SLCO5A1: variants seen among roughly 807,000 people sequenced by gnomAD.
The protein encoded by SLCO5A1 is organic anion transporter polypeptide-related protein 4.
A neutral mutation model predicts 65.1 loss-of-function variants in SLCO5A1; 39 were observed. That is an observed-to-expected ratio of 0.60 (90% CI 0.46 to 0.78). The LOEUF is 0.78. SLCO5A1 is among the 30% of genes least tolerant of loss of function. The pLI is 0.00. For synonymous variants in SLCO5A1, 438 were observed against 415.7 expected, an observed-to-expected ratio of 1.05 and a Z score of -0.65; for missense variants, 1,029 against 1,069.4, an observed-to-expected ratio of 0.96 and a Z score of 0.53.
intron 5 of SLCO5A1, among the ~76,000 whole-genome samples, chr8:69,734,355 A>G (rs1266584368): frequency 6.6e-6 from 1 of 152,152 alleles, no homozygotes; most frequent in African/African-American, 2.4e-5. Context: ...CCAAACTCCA[A>G]ATGGGCAGAT....
intron 2 of SLCO5A1, among the ~76,000 whole-genome samples, chr8:69,804,238 T>G (rs765365237): frequency 6.6e-6 from 1 of 152,168 alleles, no homozygotes; most frequent in Non-Finnish European, 1.5e-5. Flanking sequence ...AGCAAGACAT[T>G]TTTGCTAAAA....
intron 5 of SLCO5A1, among the ~76,000 whole-genome samples, chr8:69,723,004 C>T (rs567286647): frequency 1.3e-5 from 2 of 152,182 alleles, no homozygotes; most frequent in African/African-American, 2.4e-5. Flanking sequence ...TTTACGTTTA[C>T]TCATGTTAGT....
intron 2 of SLCO5A1, among the ~76,000 whole-genome samples, chr8:69,789,398 A>C (rs920952400): frequency 1.6e-4 from 24 of 152,258 alleles, no homozygotes; most frequent in African/African-American, 5.5e-4. Context: ...TTCCTAGGCA[A>C]GAAGTGTTAT....
intron 2 of SLCO5A1, among the ~76,000 whole-genome samples, chr8:69,805,030 C>G (rs1440473693): frequency 2.6e-5 from 4 of 151,982 alleles, no homozygotes; most frequent in African/African-American, 4.8e-5. Flanking sequence ...GAATGACAGT[C>G]ATCATTCAGG....
At chr8:69,827,979 C>G (rs1423935793) in intron 2 of SLCO5A1, among the ~76,000 whole-genome samples, 1 of 152,184 alleles carries the variant, frequency 6.6e-6, no homozygotes, top group Non-Finnish European at 1.5e-5. Flanking sequence ...CTCAGGGCTT[C>G]TTGCCAAAGA....
At chr8:69,752,038 C>T (rs1485988662) in intron 4 of SLCO5A1, among the ~76,000 whole-genome samples, 3 of 152,138 alleles carry the variant, frequency 2.0e-5, no homozygotes, top group African/African-American at 7.2e-5. Flanking sequence ...CTAGATCAGC[C>T]TGTGAAACAT....
chr8:69,824,003 A>G (rs182993062), intron 2 of SLCO5A1, among the ~76,000 whole-genome samples: 5,552 of 152,226 alleles, frequency 0.036, 151 homozygotes, highest in Non-Finnish European at 0.055. Context: ...CATGGAAACA[A>G]AACAACCTGC....
chr8:69,757,849 C>T (rs1036213256), intron 3 of SLCO5A1, among the ~76,000 whole-genome samples: 1 of 152,174 alleles, frequency 6.6e-6, no homozygotes, highest in Non-Finnish European at 1.5e-5. Flanking sequence ...CATTCCAGTC[C>T]CCTGAATCCC....
intron 2 of SLCO5A1, among the ~76,000 whole-genome samples, chr8:69,796,666 A>T (rs754784773): frequency 2.6e-5 from 4 of 151,416 alleles, no homozygotes; most frequent in Non-Finnish European, 5.9e-5. Context: ...ACATGTATAT[A>T]TATTATATAT....
In SLCO5A1 at chr8:69,678,343, G is replaced by A. The variant is rs1046130698; in HGVS notation, c.2024+1035C>T. On this transcript the variant is annotated intron_variant, in intron 8 of 9. Coordinates refer to ENST00000260126, the MANE Select transcript of SLCO5A1 (RefSeq NM_030958.3). ...CTGAAGGAACTCCCCAAACCTCCGT[G>A]ATTTAGCAGGAGACAAGATAAGGGT... Among the ~76,000 whole-genome samples, 3 of 152,156 alleles carry A rather than the reference G, an allele frequency of 2.0e-5. No individual in the cohort carries two copies. The East Asian group carries it at 5.8e-4, about 29-fold the overall frequency.
At chr8:69,810,891 T>C (rs551930394) in intron 2 of SLCO5A1, among the ~76,000 whole-genome samples, 121 of 152,306 alleles carry the variant, frequency 7.9e-4, no homozygotes, top group African/African-American at 2.7e-3. Flanking sequence ...GCTGGTTTTT[T>C]GTTTCGGTCT....
At chr8:69,678,949 A>T (rs1813654431) in intron 8 of SLCO5A1, among the ~76,000 whole-genome samples, 1 of 152,208 alleles carries the variant, frequency 6.6e-6, no homozygotes, top group South Asian at 2.1e-4. Context: ...GGCAGTAACT[A>T]TCTATAAGGT....
chr8:69,827,655 A>G lies in SLCO5A1; in HGVS notation c.907+4112T>C, dbSNP rs576404581. Among the ~76,000 whole-genome samples, 3 of 152,238 alleles carry G rather than the reference A, an allele frequency of 2.0e-5. 1 individual carries two copies. The South Asian group carries it at 6.2e-4, about 32-fold the overall frequency. On this transcript the variant is annotated intron_variant, in intron 2 of 9. Coordinates refer to ENST00000260126, the MANE Select transcript of SLCO5A1 (RefSeq NM_030958.3). ...ATGAGAAGTTAGAAAAACGGACAGGAAGATTAAGGAAGGGGTGGGTGGCAA... is the reference window on the plus strand; with the variant it reads ...ATGAGAAGTTAGAAAAACGGACAGGGAGATTAAGGAAGGGGTGGGTGGCAA...
intron 2 of SLCO5A1, among the ~76,000 whole-genome samples, chr8:69,806,607 C>T (rs774784773): frequency 1.3e-5 from 2 of 152,230 alleles, no homozygotes; most frequent in African/African-American, 4.8e-5. Context: ...CGTGCAGGAG[C>T]AAGCCTAACA....
At chr8:69,784,813 A>AAGAAAGAAAGAG (rs1818945065) in intron 2 of SLCO5A1, among the ~76,000 whole-genome samples, 1 of 78,098 alleles carries the variant, frequency 1.3e-5, no homozygotes, top group Non-Finnish European at 3.0e-5. Context: ...AAGAAAGAAA[A>AAGAAAGAAAGAG]AGAAAGAAAG....
chr8:69,698,445 A>G (rs778477214), intron 6 of SLCO5A1, among the ~76,000 whole-genome samples: 28 of 152,200 alleles, frequency 1.8e-4, no homozygotes, highest in Non-Finnish European at 1.3e-4. Context: ...GCTTTCTACA[A>G]TGGCTAAACT....
intron 2 of SLCO5A1, among the ~76,000 whole-genome samples, chr8:69,799,273 A>G (rs1231546687): frequency 6.6e-6 from 1 of 152,206 alleles, no homozygotes; most frequent in Non-Finnish European, 1.5e-5. Flanking sequence ...GTTTCACTGT[A>G]TGAAAAGAAG....
chr8:69,681,345 G>C (rs945968889), intron 7 of SLCO5A1, among the ~76,000 whole-genome samples: 1 of 152,154 alleles, frequency 6.6e-6, no homozygotes, highest in African/African-American at 2.4e-5. Flanking sequence ...TGTAATCCCA[G>C]CACTTTGGAA....
At chr8:69,760,125 T>A (rs528763400) in intron 3 of SLCO5A1, among the ~76,000 whole-genome samples, 1 of 152,354 alleles carries the variant, frequency 6.6e-6, no homozygotes, top group Non-Finnish European at 1.5e-5. Flanking sequence ...TAAGGACCTC[T>A]AAATAGAACA....
Sources: gnomAD v4.1 joint callset for allele counts (sites outside exome capture counted in the v4.1 genomes callset) on GRCh38, gnomAD v4.1.1 for gene constraint, MANE v1.5 for transcripts, NCBI Gene and HGNC (gene_info 2026-07-23, HGNC 2026-07-21) for gene names.